Variants in AIMP1 observed in about 807,000 individuals in gnomAD.
The protein encoded by AIMP1 is aminoacyl tRNA synthetase complex interacting multifunctional protein 1, also known as aminoacyl tRNA synthase complex-interacting multifunctional protein 1.
A neutral mutation model predicts 33.1 loss-of-function variants in AIMP1; 24 were observed. That is an observed-to-expected ratio of 0.73 (90% confidence interval 0.53 to 1.02). AIMP1 has a LOEUF of 1.02. Among genes scored for constraint, AIMP1 ranks in the 50% least tolerant of loss-of-function variants. AIMP1 has a pLI of 0.00. For missense variants in AIMP1, 367 were observed against 364.8 expected, an observed-to-expected ratio of 1.01 and a Z score of -0.05; for synonymous variants, 120 against 121.5, an observed-to-expected ratio of 0.99 and a Z score of 0.08.
At chr4:106,321,587 C>A (rs915808262) in intron 1 of AIMP1, 5 of 151,798 alleles carry the variant, frequency 3.3e-5, no homozygotes, top group African/African-American at 1.3e-4. Flanking sequence ...TGGGGGGCAG[C>A]CCCCGCCCGG....
chr4:106,334,357 C>T (rs1341195177), intron 5 of AIMP1, among the ~76,000 whole-genome samples: 5 of 151,292 alleles, frequency 3.3e-5, no homozygotes, highest in Admixed American at 2.0e-4. Context: ...GCCTGCCTCC[C>T]GGATTCAAGC....
chr4:106,335,591 C>T (rs536023989), intron 5 of AIMP1, among the ~76,000 whole-genome samples: 1 of 152,258 alleles, frequency 6.6e-6, no homozygotes, highest in East Asian at 1.9e-4. Context: ...TCTTACTAAT[C>T]CTGTTGCTAC....
intron 6 of AIMP1, among the ~76,000 whole-genome samples, chr4:106,344,910 C>T (rs1770238579): frequency 6.6e-6 from 1 of 152,140 alleles, no homozygotes; most frequent in South Asian, 2.1e-4. Context: ...ACTTTTGAAA[C>T]ATTTAGCCAA....
chr4:106,334,655 T>G (rs552823483), intron 5 of AIMP1, among the ~76,000 whole-genome samples: 1 of 152,204 alleles, frequency 6.6e-6, no homozygotes, highest in Admixed American at 6.5e-5. Flanking sequence ...AAGTAAATAT[T>G]TAGTATGTTA....
intron 4 of AIMP1, among the ~76,000 whole-genome samples, chr4:106,331,095 C>G (rs1769656431): frequency 6.6e-6 from 1 of 152,130 alleles, no homozygotes; most frequent in South Asian, 2.1e-4. Context: ...TATGTACTTA[C>G]TAGTGTATAT....
chr4:106,325,469 CTTTG>C lies in AIMP1; in HGVS notation c.109+355_109+358del, dbSNP rs1027960872. 5.3e-4 allele frequency among the ~76,000 whole-genome samples: 81 copies of C among 151,818 alleles called. 2 individuals are homozygous for C. The highest frequency in any genetic ancestry group is 6.8e-3 in the Middle Eastern group (2 of 294). ...ATTTTTTTCTAATTTTAACATACCA[CTTTG>C]TTTCTTTTTTTATAGTGTTTCTCGA... is the stretch of plus-strand genomic sequence containing the variant. On this transcript the variant is annotated intron_variant, in intron 2 of 6. Transcript: ENST00000672341.
chr4:106,331,680 A>G lies in AIMP1; in HGVS notation c.400A>G (p.Lys134Glu), dbSNP rs1366991216. 1 of 1,613,958 alleles carries G rather than the reference A, an allele frequency of 6.2e-7. No individual in the cohort carries two copies. The highest frequency in any genetic ancestry group is 1.1e-5 in the South Asian group (1 of 91,080). ...KEKIEKKGEKKEKKQQSIAGS... is the reference protein window; with the variant it reads ...KEKIEKKGEKEEKKQQSIAGS... ...TCATAAATACTTTTTAGGAGAGAAG[A>G]AGGAGAAAAAACAGCAATCAATAGC... The change falls in exon 5 of 7, where the codon AAG (lysine) becomes GAG (glutamate). Residue 134 changes from lysine (K) to glutamate (E), a missense_variant. By Grantham distance (56) the Lys-to-Glu change is moderately conservative (BLOSUM62 1). Coordinates refer to ENST00000672341, the MANE Select transcript of AIMP1 (RefSeq NM_001142416.2).
intron 5 of AIMP1, among the ~76,000 whole-genome samples, chr4:106,334,217 C>T (rs1010047212): frequency 6.6e-6 from 1 of 151,896 alleles, no homozygotes; most frequent in African/African-American, 2.4e-5. Flanking sequence ...AAGCACCAAG[C>T]ACCTAAGTAA....
chr4:106,335,580 A>G (rs1471634577), intron 5 of AIMP1, among the ~76,000 whole-genome samples: 3 of 152,208 alleles, frequency 2.0e-5, no homozygotes, highest in Non-Finnish European at 2.9e-5. Context: ...AAAGGATTGC[A>G]TCTTACTAAT....
At chr4:106,324,197 A>G (rs963119545) in intron 1 of AIMP1, among the ~76,000 whole-genome samples, 1 of 152,056 alleles carries the variant, frequency 6.6e-6, no homozygotes, top group Non-Finnish European at 1.5e-5. Context: ...TACTTGTATC[A>G]TTGTTATACC....
upstream of AIMP1, chr4:106,316,476 A>C: frequency 6.9e-7 from 1 of 1,444,872 alleles, no homozygotes; most frequent in Non-Finnish European, 9.5e-7. Flanking sequence ...TCTGTAGAAC[A>C]CTCAGGCTTT....
intron 5 of AIMP1, among the ~76,000 whole-genome samples, chr4:106,334,269 CTTTTTTCT>C (rs1264464844): frequency 7.2e-6 from 1 of 139,248 alleles, no homozygotes; most frequent in Non-Finnish European, 1.5e-5. Flanking sequence ...AGATAAATTT[CTTTTTTCT>C]TTTTTTTTTT....
upstream of AIMP1, chr4:106,316,427 A>G (rs1579619965): frequency 2.0e-6 from 2 of 989,404 alleles, no homozygotes. Flanking sequence ...GGTTAATGGG[A>G]CTGAGCACAG....
chr4:106,334,319 G>A (rs1471405955), intron 5 of AIMP1, among the ~76,000 whole-genome samples: 1 of 148,792 alleles, frequency 6.7e-6, no homozygotes, highest in Non-Finnish European at 1.5e-5. Flanking sequence ...GGAGTGCAGT[G>A]GGGCAGTCTC....
At chr4:106,328,701 A>C (rs73839429) in intron 4 of AIMP1, among the ~76,000 whole-genome samples, 2,769 of 152,296 alleles carry the variant, frequency 0.018, 78 homozygotes, top group African/African-American at 0.061. Context: ...GTCACCATCC[A>C]CTTAGGCAAC....
chr4:106,336,539 G>A (rs6831032), intron 5 of AIMP1, among the ~76,000 whole-genome samples: 22,757 of 152,112 alleles, frequency 0.15, 1,840 homozygotes, highest in South Asian at 0.25. Flanking sequence ...GGAAACAGGA[G>A]TGTCAACTTT....
rs780990970 is a variant in AIMP1, at chr4:106,328,270, G to A, written c.391+27G>A. 9.5e-6 allele frequency: 15 copies of A among 1,573,722 alleles called. No homozygotes were observed. The East Asian group carries it at 3.2e-4, about 34-fold the overall frequency. On this transcript the variant is annotated intron_variant, in intron 4 of 6. Coordinates refer to ENST00000672341, the MANE Select transcript of AIMP1 (RefSeq NM_001142416.2). ...TATTTTTGACCTTTAAGCATATTTA[G>A]CTCTTGACTGGATTATCAGAAAATG...
chr4:106,331,113 G>A (rs1769657375), intron 4 of AIMP1, among the ~76,000 whole-genome samples: 1 of 152,294 alleles, frequency 6.6e-6, no homozygotes, highest in Admixed American at 6.5e-5. Flanking sequence ...TATAAGTGAG[G>A]AGGAAAATAT....
At chr4:106,318,557 A>G (rs551204092) in intron 1 of AIMP1, among the ~76,000 whole-genome samples, 9 of 152,346 alleles carry the variant, frequency 5.9e-5, no homozygotes, top group African/African-American at 2.2e-4. Context: ...CAATTCTGAG[A>G]TACACATTTT....
Sources: allele counts gnomAD v4.1 joint callset (sites outside exome capture counted in the v4.1 genomes callset), GRCh38; gene constraint gnomAD v4.1.1; transcripts MANE v1.5; gene names NCBI Gene and HGNC (gene_info 2026-07-23, HGNC 2026-07-21).